NRG3: variants seen among roughly 807,000 people sequenced by gnomAD.
The protein encoded by NRG3 is neuregulin 3.
In NRG3, 31 loss-of-function variants were observed where a neutral mutation model predicts 66.9. The observed-to-expected ratio is 0.46, with a 90% CI of 0.35 to 0.63. The LOEUF is 0.63. Among genes scored for constraint, NRG3 ranks in the 20% least tolerant of loss-of-function variants. The pLI is 0.00. For synonymous variants in NRG3, 393 were observed against 359.4 expected (o/e 1.09, Z -1.06); for missense variants, 910 against 878.9 (o/e 1.04, Z -0.45).
At chr10:82,410,525 T>A (rs1329901307) in intron 2 of NRG3, among the ~76,000 whole-genome samples, 1 of 149,656 alleles carries the variant, frequency 6.7e-6, no homozygotes, top group African/African-American at 2.5e-5. Context: ...GAAAATAGAT[T>A]AGTGGTGGCT....
Position 82,090,102 on chromosome 10 carries a change from A to C in NRG3, c.823+213939A>C, listed in dbSNP as rs151087282. On this transcript the variant is annotated intron_variant, in intron 1 of 8. Coordinates refer to ENST00000372141, the MANE Select transcript of NRG3 (RefSeq NM_001010848.4). Reference sequence around the variant, plus strand: ...GACATTACATACTGTAGTGAAGTACAGTCCTGTAACAGGCATCTGCAGACT... The same window carrying C: ...GACATTACATACTGTAGTGAAGTACCGTCCTGTAACAGGCATCTGCAGACT... 8.0e-4 allele frequency among the ~76,000 whole-genome samples: 122 copies of C among 152,352 alleles called. 2 individuals carry two copies. In the East Asian group the frequency reaches 0.022, roughly 27 times the overall value.
At chr10:82,867,832 A>G (rs1249054788) in intron 4 of NRG3, among the ~76,000 whole-genome samples, 2 of 151,030 alleles carry the variant, frequency 1.3e-5, no homozygotes, top group Non-Finnish European at 1.5e-5. Flanking sequence ...ATATTTTTGC[A>G]GTAAGAATAC....
chr10:82,955,419 T>G (rs1026333706), intron 5 of NRG3, among the ~76,000 whole-genome samples: 9 of 152,092 alleles, frequency 5.9e-5, no homozygotes, highest in Non-Finnish European at 1.2e-4. Context: ...CTGGCCAGTG[T>G]GGCTCACGCA....
intron 1 of NRG3, among the ~76,000 whole-genome samples, chr10:82,246,748 G>A (rs1396164221): frequency 6.6e-6 from 1 of 151,814 alleles, no homozygotes; most frequent in Non-Finnish European, 1.5e-5. Flanking sequence ...AAAAGAGAAG[G>A]AACTGGTATT....
intron 1 of NRG3, among the ~76,000 whole-genome samples, chr10:82,331,782 CA>C (rs2082147577): frequency 2.0e-5 from 3 of 152,080 alleles, no homozygotes; most frequent in African/African-American, 7.2e-5. Context: ...GAAGATGTGA[CA>C]AAAAATAAAC....
intron 8 of NRG3, among the ~76,000 whole-genome samples, chr10:82,982,297 T>C (rs1231108240): frequency 6.6e-6 from 1 of 152,186 alleles, no homozygotes; most frequent in Non-Finnish European, 1.5e-5. Context: ...ACCAAGTGAC[T>C]AATAGTTGGA....
intron 2 of NRG3, among the ~76,000 whole-genome samples, chr10:82,458,883 T>G (rs183785008): frequency 1.3e-5 from 2 of 152,298 alleles, no homozygotes; most frequent in East Asian, 3.9e-4. Context: ...TGGGTAGAAA[T>G]GAAGGCTTAC....
intron 4 of NRG3, among the ~76,000 whole-genome samples, chr10:82,897,221 A>C (rs1029266628): frequency 6.6e-6 from 1 of 152,236 alleles, no homozygotes; most frequent in Non-Finnish European, 1.5e-5. Flanking sequence ...GAATTTCAAA[A>C]TAGTCTTGGA....
Position 81,972,642 on chromosome 10 carries a change from AAC to A in NRG3, c.823+96483_823+96484del, listed in dbSNP as rs952832734. ...AAACTAATAGAAACTATCATGATGA[AAC>A]ACAGAGAAAAAACAATGAATGGGAC... On this transcript the variant is annotated intron_variant, in intron 1 of 8. Transcript: ENST00000372141. 1.1e-4 allele frequency among the ~76,000 whole-genome samples: 16 copies of A among 152,304 alleles called. No individual in the cohort carries two copies. The East Asian group carries it at 1.7e-3, about 17-fold the overall frequency.
At chr10:82,743,946 G>T (rs768259258) in intron 3 of NRG3, among the ~76,000 whole-genome samples, 9 of 152,214 alleles carry the variant, frequency 5.9e-5, no homozygotes, top group Non-Finnish European at 1.0e-4. Flanking sequence ...CTCTGAATTG[G>T]AAGTCAAAGG....
chr10:82,509,526 C>A (rs1033152707), intron 2 of NRG3, among the ~76,000 whole-genome samples: 4 of 152,158 alleles, frequency 2.6e-5, no homozygotes, highest in African/African-American at 9.7e-5. Context: ...CATGCCTCAA[C>A]AAATCACCAT....
At chr10:81,980,680 A>T (rs763826282) in intron 1 of NRG3, among the ~76,000 whole-genome samples, 2 of 152,186 alleles carry the variant, frequency 1.3e-5, no homozygotes, top group Admixed American at 6.5e-5. Context: ...GAGGACTTCC[A>T]TACAAAATAT....
chr10:82,217,447 C>A (rs1055548848), intron 1 of NRG3, among the ~76,000 whole-genome samples: 2 of 152,122 alleles, frequency 1.3e-5, no homozygotes, highest in Non-Finnish European at 2.9e-5. Flanking sequence ...GAGGGTGAGG[C>A]CCAGAATCTG....
intron 4 of NRG3, among the ~76,000 whole-genome samples, chr10:82,933,457 C>T (rs887009394): frequency 6.6e-6 from 1 of 152,142 alleles, no homozygotes; most frequent in Non-Finnish European, 1.5e-5. Flanking sequence ...ATCCTCTATC[C>T]TACCCCATTA....
At chr10:82,731,219 T>C (rs550834286) in intron 2 of NRG3, among the ~76,000 whole-genome samples, 1 of 151,908 alleles carries the variant, frequency 6.6e-6, no homozygotes, top group African/African-American at 2.4e-5. Context: ...ATACAAAACT[T>C]AGCCAGGCAT....
At chr10:81,891,316 C>G (rs1023416168) in intron 1 of NRG3, among the ~76,000 whole-genome samples, 1 of 152,322 alleles carries the variant, frequency 6.6e-6, no homozygotes, top group South Asian at 2.1e-4. Context: ...CTATATGGCT[C>G]TATTCCTGAC....
intron 2 of NRG3, among the ~76,000 whole-genome samples, chr10:82,570,790 G>T (rs189636927): frequency 4.0e-5 from 6 of 151,694 alleles, no homozygotes; most frequent in Admixed American, 1.3e-4. Flanking sequence ...CTGATTTTCT[G>T]GAGGACTCAT....
At chr10:82,152,867 T>C (rs1052588726) in intron 1 of NRG3, among the ~76,000 whole-genome samples, 2 of 151,652 alleles carry the variant, frequency 1.3e-5, no homozygotes, top group African/African-American at 4.8e-5. Context: ...TTCTTTCTTT[T>C]TCTTTTCTTT....
At chr10:82,908,004 C>T (rs1432240190) in intron 4 of NRG3, among the ~76,000 whole-genome samples, 2 of 152,166 alleles carry the variant, frequency 1.3e-5, no homozygotes, top group African/African-American at 2.4e-5. Context: ...CCTGATTAAG[C>T]TCTCTTTATG....
Sources: allele counts gnomAD v4.1 joint callset (sites outside exome capture counted in the v4.1 genomes callset), GRCh38; gene constraint gnomAD v4.1.1; transcripts MANE v1.5; gene names NCBI Gene and HGNC (gene_info 2026-07-23, HGNC 2026-07-21).